Variants in DAB1 observed in about 807,000 individuals in gnomAD.
DAB1 encodes disabled homolog 1.
In DAB1, 15 loss-of-function variants were observed where a neutral mutation model predicts 64.6. That is an observed-to-expected ratio of 0.23 (90% confidence interval 0.16 to 0.36). The LOEUF (loss-of-function observed/expected upper bound fraction) is 0.36, where lower values mean the gene tolerates loss of function less well. Ranked by LOEUF, DAB1 falls within the 10% of genes least tolerant of loss-of-function variation. The probability of loss-of-function intolerance (pLI) is 1.00; values close to 1 mark genes in which losing one functional copy is unlikely to be tolerated. For missense variants in DAB1, 596 were observed against 706.7 expected (o/e 0.84, Z 1.78); for synonymous variants, 235 against 251.9 (o/e 0.93, Z 0.64).
At chr1:57,226,672 A>AAAAAAAAATATAT (rs747021990) in intron 2 of DAB1, among the ~76,000 whole-genome samples, 8 of 136,000 alleles carry the variant, frequency 5.9e-5, no homozygotes, top group African/African-American at 1.5e-4. Flanking sequence ...TTAAAAAAAA[A>AAAAAAAAATATAT]ATATATATAT....
chr1:57,251,942 G>A (rs1669374268), intron 2 of DAB1, among the ~76,000 whole-genome samples: 1 of 152,164 alleles, frequency 6.6e-6, no homozygotes, highest in African/African-American at 2.4e-5. Flanking sequence ...AGACCTCCTA[G>A]GCCACAGGCC....
At position 57,684,318 on chromosome 1, in the gene DAB1, T is replaced by C. The variant is rs9783022; in HGVS notation, n.552-34653A>G. Reference sequence around the variant, plus strand: ...AGATGACTATCTCCAAGGCACATACTCATCAGATTCACTAAGGTCAATGCA... The same window carrying C: ...AGATGACTATCTCCAAGGCACATACCCATCAGATTCACTAAGGTCAATGCA... On this transcript the variant is annotated intron_variant and non_coding_transcript_variant, in intron 6 of 20. Transcript: ENST00000485760. 3.6e-3 allele frequency among the ~76,000 whole-genome samples: 546 copies of C among 152,034 alleles called. 2 individuals carry two copies. The highest frequency in any genetic ancestry group is 0.013 in the African/African-American group (523 of 41,452).
intron 1 of DAB1, among the ~76,000 whole-genome samples, chr1:57,844,835 CT>C (rs1365065478): frequency 1.3e-5 from 2 of 152,098 alleles, no homozygotes; most frequent in Middle Eastern, 3.2e-3. Flanking sequence ...GCAGCCCTTC[CT>C]TCATAGCTCT....
chr1:57,941,637 C>T (rs998666831), intron 5 of DAB1, among the ~76,000 whole-genome samples: 11 of 152,244 alleles, frequency 7.2e-5, no homozygotes, highest in East Asian at 3.9e-4. Context: ...GAGATCGAGA[C>T]CATCCTGGCT....
intron 6 of DAB1, among the ~76,000 whole-genome samples, chr1:57,811,449 C>T (rs1161713592): frequency 6.6e-6 from 1 of 152,192 alleles, no homozygotes; most frequent in Non-Finnish European, 1.5e-5. Flanking sequence ...TTCCCCTTTG[C>T]CTTCTGCCAT....
At chr1:57,485,740 T>C (rs1333334301) in intron 7 of DAB1, among the ~76,000 whole-genome samples, 1 of 152,226 alleles carries the variant, frequency 6.6e-6, no homozygotes, top group Non-Finnish European at 1.5e-5. Context: ...GTAACTGTGA[T>C]GATGCGTTTA....
chr1:57,639,606 A>G (rs1270395445), intron 7 of DAB1, among the ~76,000 whole-genome samples: 1 of 152,126 alleles, frequency 6.6e-6, no homozygotes, highest in Non-Finnish European at 1.5e-5. Flanking sequence ...TGAGAAAATA[A>G]TGTGTCCATG....
At chr1:58,189,536 T>C (rs1178885742) in intron 4 of DAB1, among the ~76,000 whole-genome samples, 1 of 152,210 alleles carries the variant, frequency 6.6e-6, no homozygotes, top group Non-Finnish European at 1.5e-5. Flanking sequence ...CCACTCAAGA[T>C]GCACTTAGCT....
At chr1:58,053,307 T>C (rs1647820436) in intron 5 of DAB1, among the ~76,000 whole-genome samples, 1 of 152,228 alleles carries the variant, frequency 6.6e-6, no homozygotes, top group Non-Finnish European at 1.5e-5. Context: ...TTCTGATGTC[T>C]GGAAAGGTTC....
intron 5 of DAB1, among the ~76,000 whole-genome samples, chr1:58,062,156 C>A (rs1408925): frequency 0.21 from 31,430 of 152,088 alleles, 3,677 homozygotes; most frequent in East Asian, 0.31. Flanking sequence ...TCACTGCCCT[C>A]CAATAACACT....
intron 6 of DAB1, among the ~76,000 whole-genome samples, chr1:57,671,248 C>T (rs2101684013): frequency 6.6e-6 from 1 of 152,184 alleles, no homozygotes; most frequent in East Asian, 1.9e-4. Flanking sequence ...AAGTGATCAG[C>T]ACATTTTTCC....
chr1:57,756,002 G>T (rs1052234995), intron 6 of DAB1, among the ~76,000 whole-genome samples: 1 of 152,162 alleles, frequency 6.6e-6, no homozygotes, highest in African/African-American at 2.4e-5. Context: ...AGAAATTTCG[G>T]AAAGAATATA....
chr1:58,155,947 G>T (rs139518113), intron 4 of DAB1, among the ~76,000 whole-genome samples: 1 of 152,308 alleles, frequency 6.6e-6, no homozygotes, highest in East Asian at 1.9e-4. Flanking sequence ...TTCTGTTCAT[G>T]AATGTGGCAT....
intron 5 of DAB1, among the ~76,000 whole-genome samples, chr1:57,991,396 G>T: frequency 6.6e-6 from 1 of 152,126 alleles, no homozygotes; most frequent in East Asian, 1.9e-4. Context: ...CCTTAGCCAG[G>T]CATTGTTCTG....
chr1:57,675,613 A>G (rs977637838), intron 6 of DAB1, among the ~76,000 whole-genome samples: 1 of 152,216 alleles, frequency 6.6e-6, no homozygotes, highest in Admixed American at 6.5e-5. Context: ...GATAATGAAT[A>G]CCAGCGCTGC....
intron 6 of DAB1, among the ~76,000 whole-genome samples, chr1:57,811,901 A>C (rs1016388253): frequency 3.3e-5 from 5 of 152,210 alleles, no homozygotes; most frequent in African/African-American, 1.2e-4. Context: ...AAAGTTCTAC[A>C]GGGCCTAGTG....
intron 9 of DAB1, among the ~76,000 whole-genome samples, chr1:57,049,078 C>G (rs563110115): frequency 3.0e-4 from 45 of 152,096 alleles, no homozygotes; most frequent in African/African-American, 1.1e-3. Flanking sequence ...ATGTGACAAC[C>G]CAAATGTGAG....
At chr1:58,227,071 G>T (rs1297660950) in intron 4 of DAB1, among the ~76,000 whole-genome samples, 1 of 152,194 alleles carries the variant, frequency 6.6e-6, no homozygotes, top group Non-Finnish European at 1.5e-5. Context: ...TTTCTGAACT[G>T]ACTGCCCAAG....
chr1:57,107,883 A>G (rs938339328), intron 4 of DAB1, among the ~76,000 whole-genome samples: 1 of 152,192 alleles, frequency 6.6e-6, no homozygotes. Flanking sequence ...GGACAAGGCA[A>G]CTGAGCCTTG....
Sources: gnomAD v4.1 joint callset for allele counts (sites outside exome capture counted in the v4.1 genomes callset) on GRCh38, gnomAD v4.1.1 for gene constraint, MANE v1.5 for transcripts, NCBI Gene and HGNC (gene_info 2026-07-23, HGNC 2026-07-21) for gene names.